MCOLN3: variants seen among roughly 807,000 people sequenced by gnomAD.
MCOLN3 encodes the protein mucolipin TRP cation channel 3.
MCOLN3 carries 62 observed loss-of-function variants against 69.4 expected under a neutral mutation model. That is an observed-to-expected ratio of 0.89 (90% CI 0.73 to 1.10). The LOEUF (loss-of-function observed/expected upper bound fraction) is 1.10. Among genes scored for constraint, MCOLN3 ranks in the 50% least tolerant of loss-of-function variants. The pLI, the probability that MCOLN3 is intolerant of heterozygous loss-of-function variation, is 0.00. For missense variants in MCOLN3, 564 were observed against 656.4 expected, an observed-to-expected ratio of 0.86 and a Z score of 1.54; for synonymous variants, 183 against 217.0, an observed-to-expected ratio of 0.84 and a Z score of 1.38.
chr1:85,022,239 A>G (rs774066956), intron 10 of MCOLN3, 47 bp from the exon 11 acceptor site: 72 of 1,613,924 alleles, frequency 4.5e-5, no homozygotes, highest in Admixed American at 4.2e-4. Context: ...CCTTTAGCCA[A>G]AGCAGTGCAA....
Position 85,034,167 on chromosome 1 carries a change from G to T in MCOLN3, c.481C>A (p.His161Asn), listed in dbSNP as rs368065229. The change falls in exon 4 of 13, where the codon CAC (histidine) becomes AAC (asparagine). Residue 161 changes from histidine to asparagine, a missense_variant. Coordinates refer to ENST00000370589, the MANE Select transcript of MCOLN3 (RefSeq NM_018298.11). ...TAGATGTTTCCTCGCTTGTAGAAGTGCTGACAGATTGCCATAGCAGATTGC... is the reference window on the plus strand; with the variant it reads ...TAGATGTTTCCTCGCTTGTAGAAGTTCTGACAGATTGCCATAGCAGATTGC... ...TKQSAMAICQ[H>N]FYKRGNIYPG... 6.2e-6 allele frequency: 10 copies of T among 1,614,162 alleles called. No homozygotes were observed. The East Asian group carries it at 8.9e-5, about 14-fold the overall frequency.
At chr1:85,027,560 C>T (rs2102923116) in intron 7 of MCOLN3, among the ~76,000 whole-genome samples, 1 of 152,298 alleles carries the variant, frequency 6.6e-6, no homozygotes, top group South Asian at 2.1e-4. Context: ...GATGCACATT[C>T]TCAGGTCCTA....
At chr1:85,027,841 G>C (rs1557684771) in intron 7 of MCOLN3, among the ~76,000 whole-genome samples, 1 of 152,294 alleles carries the variant, frequency 6.6e-6, no homozygotes, top group African/African-American at 2.4e-5. Context: ...AATGGAGAGA[G>C]GTGGGCAGAG....
intron 12 of MCOLN3, among the ~76,000 whole-genome samples, chr1:85,020,425 A>G (rs554426378): frequency 6.6e-6 from 1 of 152,264 alleles, no homozygotes; most frequent in Non-Finnish European, 1.5e-5. Flanking sequence ...AGTATAAGTT[A>G]TGGAAATTGA....
At chr1:85,026,864 T>TC (rs893374594) in intron 7 of MCOLN3, among the ~76,000 whole-genome samples, 12 of 151,720 alleles carry the variant, frequency 7.9e-5, no homozygotes, top group African/African-American at 2.4e-5. Flanking sequence ...ATTCTTTTTT[T>TC]TTTTCCTCAG....
At position 85,032,963 on chromosome 1, in the gene MCOLN3, T is replaced by C. The variant is rs770639092; in HGVS notation, c.551-7A>G. 3.7e-6 allele frequency: 6 copies of C among 1,613,306 alleles called. No homozygotes were observed. The highest frequency in any genetic ancestry group is 5.1e-6 in the Non-Finnish European group (6 of 1,179,724). ...GGCTCCACAAAGAAACACTCTGCCA[T>C]AGAAAGGAACAAAAACATGATACAG... On this transcript the variant is annotated splice_polypyrimidine_tract_variant and splice_region_variant and intron_variant, in intron 4 of 12. Coordinates refer to ENST00000370589, the MANE Select transcript of MCOLN3 (RefSeq NM_018298.11).
intron 9 of MCOLN3, among the ~76,000 whole-genome samples, chr1:85,023,685 G>A (rs1317167170): frequency 6.6e-6 from 1 of 152,150 alleles, no homozygotes; most frequent in Non-Finnish European, 1.5e-5. Context: ...ATAGATTTGG[G>A]AATCATTGGC....
chr1:85,035,683 T>C (rs1008881116), intron 3 of MCOLN3, among the ~76,000 whole-genome samples: 1 of 152,136 alleles, frequency 6.6e-6, no homozygotes, highest in Non-Finnish European at 1.5e-5. Context: ...CTGTCTCTCA[T>C]CACCTTCACT....
intron 7 of MCOLN3, among the ~76,000 whole-genome samples, chr1:85,027,327 T>C (rs1321143373): frequency 6.6e-6 from 1 of 152,188 alleles, no homozygotes; most frequent in Non-Finnish European, 1.5e-5. Context: ...CTCTAAACAC[T>C]TTATATGTGT....
chr1:85,048,196 G>C (rs1653485752), intron 1 of MCOLN3, among the ~76,000 whole-genome samples, 200 bp downstream of exon 1: 1 of 151,890 alleles, frequency 6.6e-6, no homozygotes, highest in South Asian at 2.1e-4. Flanking sequence ...ACCTGCGGGC[G>C]GCTTGGGGGC....
At position 85,021,288 on chromosome 1, in the gene MCOLN3, AAAGAG is replaced by A. The variant is rs772573960; in HGVS notation, c.1321-17_1321-13del. 15 of 1,600,044 alleles carry A rather than the reference AAAGAG, an allele frequency of 9.4e-6. No homozygotes were observed. Among genetic ancestry groups the A allele is most frequent in the South Asian group, 3.4e-5 (3 of 88,556 alleles). ...TTCAGAGAACGAAACTGGAAAAAGA[AAAGAG>A]AAAAGTTCACTTTATTCCATGTTCC... On this transcript the variant is annotated splice_polypyrimidine_tract_variant and intron_variant, in intron 11 of 12. Transcript: ENST00000370589.
intron 3 of MCOLN3, among the ~76,000 whole-genome samples, chr1:85,035,477 C>T (rs1056320740): frequency 2.0e-5 from 3 of 152,212 alleles, no homozygotes; most frequent in Non-Finnish European, 4.4e-5. Context: ...GAAACACCTG[C>T]TTCTTCCATA....
chr1:85,030,095 G>A (rs1652432361), intron 6 of MCOLN3: 1 of 152,216 alleles, frequency 6.6e-6, no homozygotes, highest in Non-Finnish European at 1.5e-5. Flanking sequence ...ACAAGCAACT[G>A]AGGGCACAGT....
Position 85,026,008 on chromosome 1 carries a change from G to A in MCOLN3, c.1026C>T (p.Tyr342=), listed in dbSNP as rs778293236. The A allele has an allele frequency of 1.4e-5, 23 of 1,598,790 alleles. No homozygotes were observed. The highest frequency in any genetic ancestry group is 3.3e-4 in the Middle Eastern group (2 of 6,040). ...ATATGTCACTAATAATAATCATAATGTACCATCCATTGACAAATTCCATTT... is the reference window on the plus strand; with the variant it reads ...ATATGTCACTAATAATAATCATAATATACCATCCATTGACAAATTCCATTT... The part of the protein sequence containing the change: ...SDQMEFVNGW[Y]IMIIISDILT... Residue 342 remains tyrosine, a synonymous_variant, in exon 9 of 13, where the codon TAC becomes TAT. Coordinates refer to ENST00000370589, the MANE Select transcript of MCOLN3 (RefSeq NM_018298.11).
chr1:85,043,340 G>T (rs1183881719), intron 2 of MCOLN3, among the ~76,000 whole-genome samples: 3 of 152,082 alleles, frequency 2.0e-5, no homozygotes, highest in Non-Finnish European at 4.4e-5. Flanking sequence ...GAGCAGCCTG[G>T]CCAACATGGT....
chr1:85,029,732 G>A (rs1652408115), intron 6 of MCOLN3: 1 of 152,346 alleles, frequency 6.6e-6, no homozygotes, highest in Non-Finnish European at 1.5e-5. Context: ...AAAGGGTTTG[G>A]TGACAGGGAG....
intron 11 of MCOLN3, 129 bp downstream of exon 11, chr1:85,021,941 T>C: frequency 8.7e-7 from 1 of 1,149,380 alleles, no homozygotes; most frequent in South Asian, 1.6e-5. Flanking sequence ...AATATGGCAC[T>C]AGATATACTA....
Position 85,018,138 on chromosome 1 carries a change from A to G in MCOLN3, c.*985T>C, listed in dbSNP as rs1167184214. On this transcript the variant is annotated 3_prime_UTR_variant, in exon 13 of 13. Coordinates refer to ENST00000370589, the MANE Select transcript of MCOLN3 (RefSeq NM_018298.11). ...GTATAAGATACTCTTTTTACTTTCT[A>G]CTTTAACACTGAAGGAGGATAGAAA... The G allele has an allele frequency of 6.6e-6, 1 of 152,186 alleles. No homozygotes were observed. Among genetic ancestry groups the G allele is most frequent in the African/African-American group, 2.4e-5 (1 of 41,456 alleles). 9.4% of individuals were successfully genotyped at this position (152,186 alleles called of 1,614,324 possible). A position where few individuals can be genotyped will look rare whatever the true frequency, so the allele number is the denominator to read the frequency against.
chr1:85,030,791 T>A (rs539111443), intron 6 of MCOLN3, among the ~76,000 whole-genome samples: 5 of 152,164 alleles, frequency 3.3e-5, no homozygotes, highest in African/African-American at 9.6e-5. Context: ...AGATTTCTCA[T>A]TAGAAATAAT....
Sources: allele counts gnomAD v4.1 joint callset (sites outside exome capture counted in the v4.1 genomes callset), GRCh38; gene constraint gnomAD v4.1.1; transcripts MANE v1.5; gene names NCBI Gene and HGNC (gene_info 2026-07-23, HGNC 2026-07-21).